VPS41: variants seen among roughly 807,000 people sequenced by gnomAD.
VPS41 encodes the protein VPS41 subunit of HOPS complex.
Under a neutral mutation model 130.9 loss-of-function variants are expected in VPS41, and 85 were observed. The observed-to-expected ratio is 0.65, with a 90% CI of 0.55 to 0.78. VPS41 has a LOEUF of 0.78. Ranked by LOEUF, VPS41 falls within the 30% of genes least tolerant of loss-of-function variation. VPS41 has a pLI of 0.00. For synonymous variants in VPS41, 335 were observed against 332.9 expected, an observed-to-expected ratio of 1.01 and a Z score of -0.07; for missense variants, 874 against 1,018.7, an observed-to-expected ratio of 0.86 and a Z score of 1.93.
chr7:38,830,549 C>T (rs995662578), intron 4 of VPS41, among the ~76,000 whole-genome samples: 1 of 152,104 alleles, frequency 6.6e-6, no homozygotes, highest in Non-Finnish European at 1.5e-5. Context: ...AAATATTTAG[C>T]CTTAAAATGG....
intron 14 of VPS41, 38 bp downstream of exon 14, chr7:38,771,160 G>A (rs748350709): frequency 1.4e-6 from 2 of 1,403,210 alleles, no homozygotes; most frequent in Non-Finnish European, 1.0e-6. Flanking sequence ...CTTATTGAAA[G>A]ATAAAATTAT....
chr7:38,845,935 A>T (rs536226630), intron 4 of VPS41, among the ~76,000 whole-genome samples: 1 of 152,370 alleles, frequency 6.6e-6, no homozygotes, highest in African/African-American at 2.4e-5. Flanking sequence ...AATATGATTT[A>T]AAAATTATTT....
intron 7 of VPS41, among the ~76,000 whole-genome samples, chr7:38,815,394 A>C (rs1785025587): frequency 6.6e-6 from 1 of 152,202 alleles, no homozygotes; most frequent in African/African-American, 2.4e-5. Flanking sequence ...ACTGCACCCC[A>C]ACTTGGGCAA....
At chr7:38,780,925 C>T (rs1429555249) in intron 10 of VPS41, among the ~76,000 whole-genome samples, 1 of 151,974 alleles carries the variant, frequency 6.6e-6, no homozygotes, top group Admixed American at 6.6e-5. Context: ...TGGCATCTAC[C>T]CCTGCCTCTT....
At chr7:38,742,886 A>T (rs1172179114) in intron 24 of VPS41, among the ~76,000 whole-genome samples, 1 of 152,102 alleles carries the variant, frequency 6.6e-6, no homozygotes, top group Non-Finnish European at 1.5e-5. Context: ...CCCAATGCAA[A>T]CAGTCAAGCT....
intron 22 of VPS41, among the ~76,000 whole-genome samples, chr7:38,750,895 T>C (rs1783659838): frequency 6.6e-6 from 1 of 152,216 alleles, no homozygotes; most frequent in African/African-American, 2.4e-5. Context: ...ATATACAATG[T>C]TCTCTTGAAA....
intron 4 of VPS41, among the ~76,000 whole-genome samples, chr7:38,860,536 T>C (rs1410122144): frequency 1.3e-5 from 2 of 152,154 alleles, no homozygotes; most frequent in African/African-American, 4.8e-5. Context: ...ATGAACACAT[T>C]TGGGTCTGGC....
In VPS41 at chr7:38,800,651, C is replaced by T. The variant is rs542757775; in HGVS notation, c.451-3787G>A. ...GAGTTTGAGACCAGCCTGGCCAACACGGTGAAACCCCGTCTCTACTAAAAA... is the reference window on the plus strand; with the variant it reads ...GAGTTTGAGACCAGCCTGGCCAACATGGTGAAACCCCGTCTCTACTAAAAA... On this transcript the variant is annotated intron_variant, in intron 7 of 28. Transcript: ENST00000310301. Among the ~76,000 whole-genome samples, 177 of 152,042 alleles carry T rather than the reference C, an allele frequency of 1.2e-3. 1 individual carries two copies. Among genetic ancestry groups the T allele is most frequent in the African/African-American group, 3.6e-3 (151 of 41,494 alleles).
chr7:38,851,211 CAT>C (rs777432209), intron 4 of VPS41, among the ~76,000 whole-genome samples: 14 of 152,194 alleles, frequency 9.2e-5, no homozygotes, highest in South Asian at 2.1e-4. Flanking sequence ...AACTCACACA[CAT>C]GTCTGCCACT....
At chr7:38,849,062 G>A (rs1189345669) in intron 4 of VPS41, among the ~76,000 whole-genome samples, 1 of 151,746 alleles carries the variant, frequency 6.6e-6, no homozygotes, top group East Asian at 1.9e-4. Flanking sequence ...TTTTTCTTGA[G>A]GAAAAGTGAA....
chr7:38,785,926 T>C (rs1399293612), intron 10 of VPS41, among the ~76,000 whole-genome samples: 1 of 152,214 alleles, frequency 6.6e-6, no homozygotes, highest in Admixed American at 6.5e-5. Context: ...ATATAATTTC[T>C]AAGTCTCCAA....
intron 3 of VPS41, among the ~76,000 whole-genome samples, chr7:38,863,768 G>A (rs756055536): frequency 3.4e-4 from 52 of 152,132 alleles, no homozygotes; most frequent in Admixed American, 5.9e-4. Context: ...TGACGATTCC[G>A]CTGCACAGGC....
In VPS41 at chr7:38,756,943, T is replaced by C. The variant is rs1282143646; in HGVS notation, c.1590A>G (p.Ile530Met). ...CGTCTTTATGTCTTAATGTTAAGTA[T>C]ATTTCCAGAGCATTGCCATAGTTCT... ...YDKNYGNALE[I>M]YLTLRHKDVF... Residue 530 changes from isoleucine (I) to methionine (M), a missense_variant, in exon 19 of 29, where the codon ATA becomes ATG. Coordinates refer to ENST00000310301, the MANE Select transcript of VPS41 (RefSeq NM_014396.4). 6.3e-7 allele frequency: 1 copy of C among 1,598,728 alleles called. No homozygotes were observed. Among genetic ancestry groups the C allele is most frequent in the Non-Finnish European group, 8.6e-7 (1 of 1,167,064 alleles).
intron 4 of VPS41, among the ~76,000 whole-genome samples, chr7:38,859,062 G>C (rs535162197): frequency 6.6e-6 from 1 of 151,974 alleles, no homozygotes; most frequent in Non-Finnish European, 1.5e-5. Flanking sequence ...GGTAGGCCTA[G>C]GCTAATGTGT....
chr7:38,865,717 A>C (rs977077110), intron 3 of VPS41, among the ~76,000 whole-genome samples: 2 of 152,236 alleles, frequency 1.3e-5, no homozygotes, highest in African/African-American at 2.4e-5. Flanking sequence ...AGGCACAGAG[A>C]CACATAAAAT....
At chr7:38,898,179 A>G in intron 1 of VPS41, 50 bp from the exon 2 acceptor site, 1 of 1,528,322 alleles carries the variant, frequency 6.5e-7, no homozygotes, top group African/African-American at 1.4e-5. Flanking sequence ...TAAAAGAATA[A>G]TCATTTGCAA....
chr7:38,804,484 C>A (rs1354227204), intron 7 of VPS41, among the ~76,000 whole-genome samples: 1 of 152,218 alleles, frequency 6.6e-6, no homozygotes, highest in Non-Finnish European at 1.5e-5. Flanking sequence ...CATGCCCTTG[C>A]AGTTAATTCT....
At chr7:38,885,363 G>C (rs1786701556) in intron 2 of VPS41, among the ~76,000 whole-genome samples, 1 of 152,150 alleles carries the variant, frequency 6.6e-6, no homozygotes, top group Non-Finnish European at 1.5e-5. Context: ...ATGAAGCAGA[G>C]CTGCTTTAGT....
At chr7:38,787,437 T>C (rs1487352571) in intron 10 of VPS41, among the ~76,000 whole-genome samples, 2 of 152,174 alleles carry the variant, frequency 1.3e-5, no homozygotes, top group Non-Finnish European at 2.9e-5. Context: ...ACAATGCAAT[T>C]TGAAAGAAAA....
Sources: gnomAD v4.1 joint callset for allele counts (sites outside exome capture counted in the v4.1 genomes callset) on GRCh38, gnomAD v4.1.1 for gene constraint, MANE v1.5 for transcripts, NCBI Gene and HGNC (gene_info 2026-07-23, HGNC 2026-07-21) for gene names.